The following LAMA5 variants were observed in gnomAD, a reference collection of about 807,000 sequenced individuals.
The protein encoded by LAMA5 is laminin subunit alpha-5.
In LAMA5, 260 loss-of-function variants were observed where a neutral mutation model predicts 433.4. The observed-to-expected ratio is 0.60, with a 90% confidence interval of 0.54 to 0.66. The LOEUF is 0.66. Among genes scored for constraint, LAMA5 ranks in the 30% least tolerant of loss-of-function variants. The pLI, the probability that LAMA5 is intolerant of heterozygous loss-of-function variation, is 0.00. For synonymous variants in LAMA5, 2,620 were observed against 2,226.6 expected, an observed-to-expected ratio of 1.18 and a Z score of -4.97; for missense variants, 5,378 against 5,258.5, an observed-to-expected ratio of 1.02 and a Z score of -0.70.
rs958144020 is a variant in LAMA5 at position 62,335,105 on chromosome 20, T to C, written c.2398A>G (p.Lys800Glu). ...CAGGCCTGGCCGCACACGTGGGGCT[T>C]GCAGAAGCACTGGCCGGTGCCCTGG... The part of the protein sequence containing the change: ...CQPGTGQCFC[K>E]PHVCGQACAS... The change falls in exon 20 of 80, where the codon AAG (lysine) becomes GAG (glutamate). Residue 800 changes from lysine to glutamate, a missense_variant. Lys to Glu is a moderately conservative substitution (Grantham distance 56). Transcript: ENST00000252999. The C allele has an allele frequency of 1.9e-6, 3 of 1,612,964 alleles. No individual in the cohort carries two copies. Among genetic ancestry groups the C allele is most frequent in the Non-Finnish European group, 2.5e-6 (3 of 1,179,674 alleles).
Position 62,313,785 on chromosome 20 carries a change from T to A in LAMA5, c.8522A>T (p.His2841Leu), listed in dbSNP as rs750279625. 6.2e-7 allele frequency: 1 copy of A among 1,612,540 alleles called. No homozygotes were observed. The highest frequency in any genetic ancestry group is 2.2e-5 in the East Asian group (1 of 44,878). ...VSLDRTLQFGHMSVTVERQMI... is the reference protein window; with the variant it reads ...VSLDRTLQFGLMSVTVERQMI... ...CTGTCTCTCCACTGTGACGGACATGTGGCCAAACTGGAGAGTCCTGAGGGC... is the reference window on the plus strand; with the variant it reads ...CTGTCTCTCCACTGTGACGGACATGAGGCCAAACTGGAGAGTCCTGAGGGC... The change falls in exon 63 of 80, where the codon CAC becomes CTC. Residue 2841 changes from histidine to leucine, a missense_variant. Physicochemically the swap from His to Leu is moderately conservative, Grantham distance 99. Coordinates refer to ENST00000252999, the MANE Select transcript of LAMA5 (RefSeq NM_005560.6).
chr20:62,364,419 CAGG>C (rs1986494195), intron 1 of LAMA5, among the ~76,000 whole-genome samples: 1 of 152,208 alleles, frequency 6.6e-6, no homozygotes, highest in African/African-American at 2.4e-5. Flanking sequence ...TCTACTCTTC[CAGG>C]AGGTCAGGGA....
At position 62,335,077 on chromosome 20, in the gene LAMA5, G is replaced by A. The variant is rs774918463; in HGVS notation, c.2426C>T (p.Ala809Val). ...TCCAAAGAAGCCATCCTTGCAGGAC[G>A]CGCAGGCCTGGCCGCACACGTGGGG... The part of the protein sequence containing the change: ...CKPHVCGQAC[A>V]SCKDGFFGLD... The change falls in exon 20 of 80, where the codon GCG becomes GTG. Residue 809 changes from alanine to valine, a missense_variant. Ala to Val is a moderately conservative substitution (Grantham distance 64, BLOSUM62 0). Transcript: ENST00000252999. The A allele has an allele frequency of 1.2e-5, 20 of 1,612,888 alleles. No individual in the cohort carries two copies. Among genetic ancestry groups the A allele is most frequent in the African/African-American group, 5.3e-5 (4 of 74,878 alleles).
chr20:62,337,038 T>G, intron 16 of LAMA5: 1 of 658,314 alleles, frequency 1.5e-6, no homozygotes, highest in African/African-American at 1.8e-5. Flanking sequence ...CCCGTGTACA[T>G]TCCACACGCA....
chr20:62,310,660 C>G lies in LAMA5; in HGVS notation c.10446+5G>C. Reference sequence around the variant, plus strand: ...GAGTGGGGGCTGGGGCAAGATGGTTCTCACCGGAAGTTTGGAGCTGTGGCT... The same window carrying G: ...GAGTGGGGGCTGGGGCAAGATGGTTGTCACCGGAAGTTTGGAGCTGTGGCT... On this transcript the variant is annotated splice_donor_5th_base_variant and intron_variant, in intron 75 of 79. Coordinates refer to ENST00000252999, the MANE Select transcript of LAMA5 (RefSeq NM_005560.6). The G allele has an allele frequency of 6.2e-7, 1 of 1,601,850 alleles. No homozygotes were observed. Among genetic ancestry groups the G allele is most frequent in the Non-Finnish European group, 8.5e-7 (1 of 1,178,116 alleles).
chr20:62,316,812 G>A, intron 56 of LAMA5, 39 bp from the exon 57 acceptor site: 1 of 1,564,376 alleles, frequency 6.4e-7, no homozygotes, highest in Non-Finnish European at 8.7e-7. Context: ...AGACACGCAG[G>A]CCGGGGCTGC....
chr20:62,366,793 G>A (rs944827415), intron 1 of LAMA5, among the ~76,000 whole-genome samples, 156 bp downstream of exon 1: 1 of 152,186 alleles, frequency 6.6e-6, no homozygotes, highest in East Asian at 1.9e-4. Flanking sequence ...GAGACGGAGC[G>A]GCCGGGTCGG....
chr20:62,350,328 A>T (rs1984097108), intron 6 of LAMA5, among the ~76,000 whole-genome samples: 1 of 152,058 alleles, frequency 6.6e-6, no homozygotes, highest in Admixed American at 6.5e-5. Context: ...GGCAGCAACA[A>T]GTGCCTGGGT....
Position 62,309,351 on chromosome 20 carries a change from G to GC in LAMA5, c.11072dup (p.Cys3692LeufsTer40), listed in dbSNP as rs1261448431. ...TGGCTGTGTCCTAGGCGGCTGGGCA[G>GC]CCACTGGCCCCCACTGCCCCGTGGA... On this transcript the variant is annotated frameshift_variant, in exon 80 of 80. Coordinates refer to ENST00000252999, the MANE Select transcript of LAMA5 (RefSeq NM_005560.6). LOFTEE classifies it high-confidence loss of function. 1 of 1,591,210 alleles carries GC rather than the reference G, an allele frequency of 6.3e-7. No homozygotes were observed. Among genetic ancestry groups the GC allele is most frequent in the African/African-American group, 1.3e-5 (1 of 74,744 alleles).
At position 62,324,025 on chromosome 20, in the gene LAMA5, G is replaced by A; in HGVS notation, c.5768+55C>T. The A allele has an allele frequency of 4.8e-6, 7 of 1,462,224 alleles. No homozygotes were observed. The highest frequency in any genetic ancestry group is 6.3e-6 in the Non-Finnish European group (7 of 1,106,586). 90.6% of individuals were successfully genotyped at this position (1,462,224 alleles called of 1,614,324 possible). A position where few individuals can be genotyped will look rare whatever the true frequency, so the allele number is the denominator to read the frequency against. ...GGCAGTGGGAACCCACCCCGCTGCT[G>A]GGTGAAGGGAGCCTGGCACCATCAG... On this transcript the variant is annotated intron_variant, in intron 43 of 79. Transcript: ENST00000252999. The surrounding 1 kb of genome is among the most constrained non-coding windows in gnomAD (Gnocchi z 4.4).
intron 11 of LAMA5, among the ~76,000 whole-genome samples, chr20:62,339,740 A>AACAAACAG (rs10626120): frequency 0.78 from 118,106 of 151,638 alleles, 48,812 homozygotes; most frequent in East Asian, 0.94. Context: ...CAGTAGCAAA[A>AACAAACAG]ACCAAAATCA....
In LAMA5 at chr20:62,313,796, G is replaced by A; in HGVS notation, c.8511C>T (p.Leu2837=). The A allele has an allele frequency of 1.2e-6, 2 of 1,612,816 alleles. No individual in the cohort carries two copies. The highest frequency in any genetic ancestry group is 8.5e-7 in the Non-Finnish European group (1 of 1,179,956). Residue 2837 remains leucine (L), a synonymous_variant, in exon 63 of 80, where the codon CTC becomes CTT. Coordinates refer to ENST00000252999, the MANE Select transcript of LAMA5 (RefSeq NM_005560.6). ...QFAAVSLDRT[L]QFGHMSVTVE... ...CTGTGACGGACATGTGGCCAAACTGGAGAGTCCTGAGGGCAGAGGCGAGGG... is the reference window on the plus strand; with the variant it reads ...CTGTGACGGACATGTGGCCAAACTGAAGAGTCCTGAGGGCAGAGGCGAGGG...
chr20:62,318,454 C>G lies in LAMA5; in HGVS notation c.7239G>C (p.Leu2413=). 1.3e-6 allele frequency: 2 copies of G among 1,599,070 alleles called. No individual in the cohort carries two copies. The highest frequency in any genetic ancestry group is 1.7e-6 in the Non-Finnish European group (2 of 1,175,852). The change falls in exon 53 of 80, where the codon CTG becomes CTC. Residue 2413 remains leucine (L), a splice_region_variant and synonymous_variant. Coordinates refer to ENST00000252999, the MANE Select transcript of LAMA5 (RefSeq NM_005560.6). ...SRNQERLEEA[L]QRKQELSRDN... is the part of the protein sequence containing the mutation. ...GGAAGAACAAGTCCGGGGTCCTCACCAGGGCTTCCTCCAGGCGCTCCTGGT... is the reference window on the plus strand; with the variant it reads ...GGAAGAACAAGTCCGGGGTCCTCACGAGGGCTTCCTCCAGGCGCTCCTGGT...
Position 62,328,932 on chromosome 20 carries a change from G to A in LAMA5, c.4359C>T (p.Phe1453=), listed in dbSNP as rs778382767. The part of the protein sequence containing the change: ...VGATGPTCEP[F]GGQCPCHAHV... ...GGGCATGGCAGGGACACTGGCCCCC[G>A]AAGGGCTCACACGTGGGGCCTGTAG... The change falls in exon 34 of 80, where the codon TTC becomes TTT. Residue 1453 remains phenylalanine, a synonymous_variant. Transcript: ENST00000252999. 24 of 1,611,398 alleles carry A rather than the reference G, an allele frequency of 1.5e-5. No individual in the cohort carries two copies. The highest frequency in any genetic ancestry group is 1.6e-4 in the Middle Eastern group (1 of 6,068).
At chr20:62,316,638 G>A (rs201210491) in intron 57 of LAMA5, 33 bp downstream of exon 57, 1 of 1,484,382 alleles carries the variant, frequency 6.7e-7, no homozygotes, top group Non-Finnish European at 9.1e-7. Flanking sequence ...TGCCCAGCAG[G>A]CCTAAGGGCC....
At position 62,322,039 on chromosome 20, in the gene LAMA5, C is replaced by A; in HGVS notation, c.6476G>T (p.Gly2159Val). 6.3e-7 allele frequency: 1 copy of A among 1,599,018 alleles called. No homozygotes were observed. The highest frequency in any genetic ancestry group is 1.1e-5 in the South Asian group (1 of 91,078). ...HQVPVPGGPVGHSIHCEVCDH... is the reference protein window; with the variant it reads ...HQVPVPGGPVVHSIHCEVCDH... ...CACACCTTCACAGTGGATGCTGTGG[C>A]CCACAGGCCCGCCTGGAACAGGCAC... is the stretch of plus-strand genomic sequence containing the variant. The change falls in exon 48 of 80, where the codon GGC becomes GTC. Residue 2159 changes from glycine (G) to valine (V), a missense_variant. Coordinates refer to ENST00000252999, the MANE Select transcript of LAMA5 (RefSeq NM_005560.6).
At position 62,330,630 on chromosome 20, in the gene LAMA5, C is replaced by T. The variant is rs1315417316; in HGVS notation, c.3853-16G>A. On this transcript the variant is annotated splice_polypyrimidine_tract_variant and intron_variant, in intron 30 of 79. Transcript: ENST00000252999. ...CCACGGTGGCCTGCAGGGATAGGCC[C>T]TAGTGAGCAGGCTGAGCTATGAGCC... The T allele has an allele frequency of 6.3e-7, 1 of 1,584,290 alleles. No homozygotes were observed. Among genetic ancestry groups the T allele is most frequent in the Non-Finnish European group, 8.6e-7 (1 of 1,166,632 alleles).
rs747816275 is a variant in LAMA5 at position 62,312,675 on chromosome 20, C to T, written c.9184G>A (p.Ala3062Thr). The change falls in exon 67 of 80, where the codon GCC (alanine) becomes ACC (threonine). Residue 3062 changes from alanine to threonine, a missense_variant. Coordinates refer to ENST00000252999, the MANE Select transcript of LAMA5 (RefSeq NM_005560.6). ...GGCGGCACGCCCCCCAGGTAGTAGG[C>T]GTCGGCCAGCTCCAGATCATTGTCC... is the stretch of plus-strand genomic sequence containing the variant. ...EQDNDLELAD[A>T]YYLGGVPPDQ... 3.0e-5 allele frequency: 48 copies of T among 1,607,234 alleles called. No homozygotes were observed. Among genetic ancestry groups the T allele is most frequent in the Non-Finnish European group, 4.1e-5 (48 of 1,177,782 alleles).
In LAMA5 at chr20:62,346,132, C is replaced by A; in HGVS notation, c.1366G>T (p.Glu456Ter). 3.1e-6 allele frequency: 5 copies of A among 1,613,100 alleles called. No homozygotes were observed. The highest frequency in any genetic ancestry group is 4.2e-6 in the Non-Finnish European group (5 of 1,180,002). Residue 456 changes from glutamate to a stop codon, truncating the protein, a stop_gained, in exon 10 of 80, where the codon GAG becomes TAG. Coordinates refer to ENST00000252999, the MANE Select transcript of LAMA5 (RefSeq NM_005560.6). LOFTEE classifies it high-confidence loss of function. The stretch of plus-strand genomic sequence containing the variant: ...CCCTCGGCACACACGTCACACCGCT[C>A]CCCAGAGAAGTTGGGCCGGCAGTAG... ...RCYCRPNFSG[E>*]RCDVCAEGFT...
Sources: gnomAD v4.1 joint callset for allele counts (sites outside exome capture counted in the v4.1 genomes callset) on GRCh38, gnomAD v4.1.1 for gene constraint, Gnocchi (gnomAD v3.1) non-coding constraint, MANE v1.5 for transcripts, NCBI Gene and HGNC (gene_info 2026-07-23, HGNC 2026-07-21) for gene names.